MRPL1: variants seen among roughly 807,000 people sequenced by gnomAD.
The protein encoded by MRPL1 is mitochondrial ribosomal protein L1.
A neutral mutation model predicts 38.0 loss-of-function variants in MRPL1; 28 were observed. The observed-to-expected ratio is 0.74, with a 90% confidence interval of 0.55 to 1.01. The LOEUF is 1.01. MRPL1 is among the 50% of genes least tolerant of loss of function. The pLI, the probability that MRPL1 is intolerant of heterozygous loss-of-function variation, is 0.00. For synonymous variants in MRPL1, 123 were observed against 126.7 expected (o/e 0.97, Z 0.20); for missense variants, 358 against 389.8 (o/e 0.92, Z 0.69).
intron 7 of MRPL1, among the ~76,000 whole-genome samples, chr4:77,944,793 C>T (rs911417345): frequency 1.3e-5 from 2 of 152,126 alleles, no homozygotes; most frequent in Admixed American, 6.6e-5. Flanking sequence ...ATACAACACG[C>T]TCACTTGTGT....
At chr4:77,914,915 G>A (rs1736385832) in intron 7 of MRPL1, among the ~76,000 whole-genome samples, 1 of 152,154 alleles carries the variant, frequency 6.6e-6, no homozygotes, top group South Asian at 2.1e-4. Flanking sequence ...GCCTGTTTTT[G>A]TATAGCCTGT....
chr4:77,951,555 CAT>C lies in MRPL1; in HGVS notation c.860-933_860-932del, dbSNP rs1228641985. On this transcript the variant is annotated intron_variant, in intron 8 of 8. Coordinates refer to ENST00000315567, the MANE Select transcript of MRPL1 (RefSeq NM_020236.4). ...ACAGTACTTTTCACTGAAAATATGA[CAT>C]GAGTTCTATAAGTTTTCCTGTTGTA... Among the ~76,000 whole-genome samples, 31 of 152,188 alleles carry C rather than the reference CAT, an allele frequency of 2.0e-4. 1 individual carries two copies. The highest frequency in any genetic ancestry group is 1.3e-4 in the Admixed American group (2 of 15,278).
intron 5 of MRPL1, among the ~76,000 whole-genome samples, chr4:77,892,431 G>T (rs149269840): frequency 6.6e-6 from 1 of 152,092 alleles, no homozygotes; most frequent in East Asian, 1.9e-4. Context: ...ACCGCACCAC[G>T]TAGTAATTTC....
chr4:77,944,585 C>T lies in MRPL1; in HGVS notation c.778-5212C>T, dbSNP rs538958908. The stretch of plus-strand genomic sequence containing the variant: ...TCAAGGGCGAGGTTTGTATCTTATT[C>T]GTCTTCCTGTTCCTGGTTCCATGTG... On this transcript the variant is annotated intron_variant, in intron 7 of 8. Transcript: ENST00000315567. 1.1e-4 allele frequency among the ~76,000 whole-genome samples: 16 copies of T among 152,236 alleles called. 1 individual carries two copies. The East Asian group carries it at 1.5e-3, about 15-fold the overall frequency.
At chr4:77,907,964 C>T (rs1467011079) in intron 6 of MRPL1, among the ~76,000 whole-genome samples, 1 of 148,124 alleles carries the variant, frequency 6.8e-6, no homozygotes, top group Non-Finnish European at 1.5e-5. Flanking sequence ...GTGGCTCATT[C>T]TCGGCTCACT....
chr4:77,874,001 CTTT>C (rs1184872676), intron 2 of MRPL1, among the ~76,000 whole-genome samples: 1 of 139,666 alleles, frequency 7.2e-6, no homozygotes. Context: ...ATATTGCCTG[CTTT>C]TTTTTTTTTT....
At chr4:77,930,279 G>A (rs1028886741) in intron 7 of MRPL1, among the ~76,000 whole-genome samples, 1 of 152,144 alleles carries the variant, frequency 6.6e-6, no homozygotes, top group Admixed American at 6.5e-5. Context: ...GACTGATAAT[G>A]GTCCGTGTCC....
intron 7 of MRPL1, among the ~76,000 whole-genome samples, 168 bp from the exon 8 acceptor site, chr4:77,949,629 C>T (rs953425422): frequency 6.6e-6 from 1 of 152,108 alleles, no homozygotes; most frequent in Non-Finnish European, 1.5e-5. Context: ...CATGTGAAGA[C>T]ATGTAAATGT....
chr4:77,941,642 A>T (rs1057318247), intron 7 of MRPL1, among the ~76,000 whole-genome samples: 1 of 152,020 alleles, frequency 6.6e-6, no homozygotes, highest in African/African-American at 2.4e-5. Flanking sequence ...CATCTCTTCT[A>T]GGTTTTCTAT....
intron 1 of MRPL1, among the ~76,000 whole-genome samples, chr4:77,868,551 TTTC>T (rs563560584): frequency 1.0e-3 from 153 of 152,334 alleles, no homozygotes; most frequent in African/African-American, 3.3e-3. Flanking sequence ...TGGATAATTA[TTTC>T]TTTAGTTAAA....
At chr4:77,863,815 T>C (rs1048380731) in intron 1 of MRPL1, among the ~76,000 whole-genome samples, 2 of 152,058 alleles carry the variant, frequency 1.3e-5, no homozygotes, top group Non-Finnish European at 2.9e-5. Flanking sequence ...TCCAGTGATA[T>C]ATATTGTTTA....
Position 77,883,606 on chromosome 4 carries a change from C to A in MRPL1, c.402+106C>A, listed in dbSNP as rs1179733350. ...ATTATTATTTTTGAGACAGGGTCTT[C>A]TTGCCGTGTTGCCCAGGCTGGAGTG... On this transcript the variant is annotated intron_variant, in intron 3 of 8. Transcript: ENST00000315567. 4.2e-6 allele frequency: 5 copies of A among 1,191,616 alleles called. No individual in the cohort carries two copies. In the Admixed American group the frequency reaches 7.5e-5, roughly 18 times the overall value. 73.8% of individuals were successfully genotyped at this position (1,191,616 alleles called of 1,614,324 possible).
chr4:77,876,979 C>A (rs1469433595), intron 2 of MRPL1, among the ~76,000 whole-genome samples: 2 of 152,130 alleles, frequency 1.3e-5, no homozygotes, highest in African/African-American at 2.4e-5. Flanking sequence ...TGGCTTACTG[C>A]AACTTCCGCT....
At chr4:77,942,897 G>A (rs892714463) in intron 7 of MRPL1, among the ~76,000 whole-genome samples, 1 of 152,066 alleles carries the variant, frequency 6.6e-6, no homozygotes, top group Admixed American at 6.6e-5. Flanking sequence ...GAGATGTGAG[G>A]TACTATTCTA....
chr4:77,876,691 T>G (rs1313324868), intron 2 of MRPL1, among the ~76,000 whole-genome samples: 1 of 152,194 alleles, frequency 6.6e-6, no homozygotes, highest in African/African-American at 2.4e-5. Context: ...ATGGCTAGAT[T>G]TTGTTTTTTA....
intron 7 of MRPL1, among the ~76,000 whole-genome samples, chr4:77,948,454 C>T (rs762755095): frequency 1.2e-4 from 19 of 152,232 alleles, no homozygotes; most frequent in Non-Finnish European, 2.4e-4. Context: ...GTGAACTAAG[C>T]ATTGCTTTTA....
At chr4:77,872,063 C>T (rs1020910829) in intron 2 of MRPL1, among the ~76,000 whole-genome samples, 5 of 151,966 alleles carry the variant, frequency 3.3e-5, no homozygotes, top group Non-Finnish European at 7.4e-5. Context: ...TAACTTATTC[C>T]CAACAGCAAC....
rs548018521 is a variant in MRPL1, at chr4:77,914,450, A to C, written c.777+5078A>C. The stretch of plus-strand genomic sequence containing the variant: ...ATTTTACATCAGAAAATGGTAAATA[A>C]TATATGCAAAGTATGCCTCTATAAC... On this transcript the variant is annotated intron_variant, in intron 7 of 8. Transcript: ENST00000315567. Among the ~76,000 whole-genome samples the C allele has an allele frequency of 2.0e-5, 3 of 152,310 alleles. No homozygotes were observed. In the East Asian group the frequency reaches 5.8e-4, roughly 29 times the overall value.
At chr4:77,945,385 CTT>C (rs1737236050) in intron 7 of MRPL1, among the ~76,000 whole-genome samples, 1 of 152,010 alleles carries the variant, frequency 6.6e-6, no homozygotes, top group Admixed American at 6.6e-5. Context: ...GCAGTCCTCT[CTT>C]CAGTTTTCAG....
Sources: allele counts gnomAD v4.1 joint callset (sites outside exome capture counted in the v4.1 genomes callset), GRCh38; gene constraint gnomAD v4.1.1; transcripts MANE v1.5; gene names NCBI Gene and HGNC (gene_info 2026-07-23, HGNC 2026-07-21).